The following BMPR2 variants were observed in gnomAD, a reference collection of about 807,000 sequenced individuals.
BMPR2 encodes the protein bone morphogenetic protein receptor type 2.
BMPR2 carries 29 observed loss-of-function variants against 100.8 expected under a neutral mutation model. The ratio of observed to expected loss-of-function variants is 0.29; its 90% CI spans 0.21 to 0.39. The LOEUF (loss-of-function observed/expected upper bound fraction) is 0.39, where lower values mean the gene tolerates loss of function less well. Among genes scored for constraint, BMPR2 ranks in the 10% least tolerant of loss-of-function variants. BMPR2 has a pLI of 1.00. For synonymous variants in BMPR2, 382 were observed against 442.3 expected, an observed-to-expected ratio of 0.86 and a Z score of 1.71; for missense variants, 1,011 against 1,274.5, an observed-to-expected ratio of 0.79 and a Z score of 3.15.
At chr2:202,491,533 CTT>C (rs1167271106) in intron 3 of BMPR2, among the ~76,000 whole-genome samples, 1 of 151,980 alleles carries the variant, frequency 6.6e-6, no homozygotes, top group Non-Finnish European at 1.5e-5. Flanking sequence ...AAGCAATTCT[CTT>C]GTCTCAGCCT....
chr2:202,386,226 A>G (rs1001031788), intron 1 of BMPR2, among the ~76,000 whole-genome samples: 35 of 152,188 alleles, frequency 2.3e-4, no homozygotes, highest in Admixed American at 8.5e-4. Context: ...ATTTATTTCT[A>G]TCTCAGACTT....
intron 7 of BMPR2, among the ~76,000 whole-genome samples, chr2:202,523,667 G>A (rs1475539035): frequency 1.3e-5 from 2 of 152,140 alleles, no homozygotes; most frequent in East Asian, 1.9e-4. Flanking sequence ...AGCCGGGGGT[G>A]GTGGTGCATG....
Position 202,542,365 on chromosome 2 carries a change from C to A in BMPR2, c.1331C>A (p.Pro444His), listed in dbSNP as rs1688292823. ...TTTCAGACAGAGGTTGGAAACCATCCCACTTTTGAGGATATGCAGGTTCTC... is the reference window on the plus strand; with the variant it reads ...TTTCAGACAGAGGTTGGAAACCATCACACTTTTGAGGATATGCAGGTTCTC... ...MAFQTEVGNH[P>H]TFEDMQVLVS... Residue 444 changes from proline (P) to histidine (H), a missense_variant, in exon 10 of 13, where the codon CCC becomes CAC. Around this residue, in one of 6 missense-constraint regions of BMPR2, gnomAD observed 83 missense variants for 140.7 expected, o/e 0.59. Coordinates refer to ENST00000374580, the MANE Select transcript of BMPR2 (RefSeq NM_001204.7). 6.2e-7 allele frequency: 1 copy of A among 1,613,888 alleles called. No homozygotes were observed. The highest frequency in any genetic ancestry group is 1.7e-5 in the Admixed American group (1 of 59,992).
chr2:202,468,944 A>G (rs1459283883), intron 3 of BMPR2, among the ~76,000 whole-genome samples: 1 of 152,238 alleles, frequency 6.6e-6, no homozygotes, highest in East Asian at 1.9e-4. Context: ...TAAGGGATCC[A>G]AGGAATGAGA....
chr2:202,535,706 C>G (rs1198654178), intron 9 of BMPR2, among the ~76,000 whole-genome samples: 2 of 152,190 alleles, frequency 1.3e-5, no homozygotes, highest in Admixed American at 6.5e-5. Flanking sequence ...AGGCTGCAAT[C>G]TCAGCACTTT....
chr2:202,475,901 T>A (rs1192290192), intron 3 of BMPR2, among the ~76,000 whole-genome samples: 1 of 149,892 alleles, frequency 6.7e-6, no homozygotes, highest in Non-Finnish European at 1.5e-5. Context: ...AGAAACCCCG[T>A]CTCTACTAAA....
chr2:202,500,014 G>A (rs895824896), intron 3 of BMPR2, among the ~76,000 whole-genome samples: 4 of 152,184 alleles, frequency 2.6e-5, no homozygotes, highest in Non-Finnish European at 4.4e-5. Context: ...CGAGGCAATC[G>A]CTAGAAGGTG....
chr2:202,483,369 GTTTT>G (rs1398737310), intron 3 of BMPR2, among the ~76,000 whole-genome samples: 1 of 150,864 alleles, frequency 6.6e-6, no homozygotes, highest in African/African-American at 2.4e-5. Flanking sequence ...TTGTTGGTTG[GTTTT>G]TGTTTTTTTG....
At chr2:202,422,291 G>A (rs151324617) in intron 1 of BMPR2, among the ~76,000 whole-genome samples, 1 of 151,850 alleles carries the variant, frequency 6.6e-6, no homozygotes, top group Admixed American at 6.6e-5. Flanking sequence ...CTGATTCAAA[G>A]TACTCATCAT....
intron 1 of BMPR2, among the ~76,000 whole-genome samples, chr2:202,413,274 G>T (rs1691050226): frequency 6.6e-6 from 1 of 152,134 alleles, no homozygotes; most frequent in South Asian, 2.1e-4. Context: ...GTGTTGTCTG[G>T]TGTTCTAAGT....
intron 1 of BMPR2, among the ~76,000 whole-genome samples, chr2:202,381,386 TG>T (rs1476399518): frequency 2.0e-5 from 3 of 152,178 alleles, no homozygotes; most frequent in Admixed American, 2.0e-4. Context: ...TGTCTCTTTC[TG>T]GGGTCCAGGC....
At chr2:202,386,331 T>C (rs181262377) in intron 1 of BMPR2, among the ~76,000 whole-genome samples, 3 of 152,342 alleles carry the variant, frequency 2.0e-5, no homozygotes, top group South Asian at 2.1e-4. Flanking sequence ...TGTCCAAAAC[T>C]GAACTTCTGA....
intron 3 of BMPR2, among the ~76,000 whole-genome samples, chr2:202,468,341 T>C (rs1692367254): frequency 6.6e-6 from 1 of 152,040 alleles, no homozygotes; most frequent in South Asian, 2.1e-4. Context: ...TAGCCAGGCG[T>C]GGTGGTGCGC....
chr2:202,434,908 A>AAAAATATATATATAT (rs1559037398), intron 1 of BMPR2, among the ~76,000 whole-genome samples: 2 of 38,416 alleles, frequency 5.2e-5, no homozygotes, highest in Non-Finnish European at 8.7e-5. Flanking sequence ...AAAAAAAAAA[A>AAAAATATATATATAT]ATATATATAT....
rs145648565 is a variant in BMPR2, at chr2:202,446,562, CAG to C, written c.77-18244_77-18243del. Among the ~76,000 whole-genome samples the C allele has an allele frequency of 6.8e-3, 1,022 of 150,202 alleles. 109 individuals are homozygous for C. Among genetic ancestry groups the C allele is most frequent in the African/African-American group, 0.024 (957 of 39,756 alleles). ...TCATTTCAATATAGTATTAGTGTAA[CAG>C]AGCAAAGAGTATATGAATACTCATG... On this transcript the variant is annotated intron_variant, in intron 1 of 12. Transcript: ENST00000374580.
chr2:202,402,777 A>G (rs537378637), intron 1 of BMPR2, among the ~76,000 whole-genome samples: 75 of 148,630 alleles, frequency 5.0e-4, no homozygotes, highest in Admixed American at 1.8e-3. Flanking sequence ...AGCTATTCTT[A>G]TGCCTCAGCC....
At chr2:202,542,541 GT>G in intron 10 of BMPR2, 94 bp downstream of exon 10, 2 of 1,438,556 alleles carry the variant, frequency 1.4e-6, no homozygotes. Flanking sequence ...AACGTTAATA[GT>G]TTTTGGAGTT....
At chr2:202,531,445 A>G (rs1688025656) in intron 8 of BMPR2, among the ~76,000 whole-genome samples, 1 of 152,190 alleles carries the variant, frequency 6.6e-6, no homozygotes, top group Non-Finnish European at 1.5e-5. Context: ...TTTTACAAGC[A>G]TTAGGAACAA....
At chr2:202,448,119 C>A (rs1691890394) in intron 1 of BMPR2, among the ~76,000 whole-genome samples, 1 of 149,508 alleles carries the variant, frequency 6.7e-6, no homozygotes, top group Non-Finnish European at 1.5e-5. Context: ...GGGCACATAA[C>A]CCACACCTAA....
Sources: allele counts gnomAD v4.1 joint callset (sites outside exome capture counted in the v4.1 genomes callset), GRCh38; gene constraint gnomAD v4.1.1; regional missense constraint gnomAD v4.1.1; transcripts MANE v1.5; gene names NCBI Gene and HGNC (gene_info 2026-07-23, HGNC 2026-07-21).